The following PRKAG2 variants were observed in gnomAD, a reference collection of about 807,000 sequenced individuals.
PRKAG2 encodes 5'-AMP-activated protein kinase subunit gamma-2.
Under a neutral mutation model 69.6 loss-of-function variants are expected in PRKAG2, and 26 were observed. That is an observed-to-expected ratio of 0.37 (90% CI 0.27 to 0.52). The LOEUF is 0.52. Ranked by LOEUF, PRKAG2 falls within the 20% of genes least tolerant of loss-of-function variation. PRKAG2 has a pLI of 0.90. For synonymous variants in PRKAG2, 293 were observed against 285.0 expected (o/e 1.03, Z -0.28); for missense variants, 557 against 740.0 (o/e 0.75, Z 2.87).
chr7:151,570,307 T>C, intron 9 of PRKAG2, 82 bp from the exon 10 acceptor site: 1 of 1,456,648 alleles, frequency 6.9e-7, no homozygotes, highest in Non-Finnish European at 9.4e-7. Context: ...ACCCTTCAGT[T>C]TACGGTTAAT....
intron 4 of PRKAG2, among the ~76,000 whole-genome samples, chr7:151,665,984 C>T (rs1332266938): frequency 6.6e-6 from 1 of 152,160 alleles, no homozygotes; most frequent in African/African-American, 2.4e-5. Context: ...TGGAGACTGA[C>T]TGAATGGCAA....
chr7:151,676,427 A>T (rs1019538386), intron 3 of PRKAG2, among the ~76,000 whole-genome samples: 2 of 152,116 alleles, frequency 1.3e-5, no homozygotes, highest in Non-Finnish European at 2.9e-5. Context: ...AAAGTGAAAC[A>T]GATTTAGATG....
chr7:151,733,620 A>G (rs1034965451), intron 3 of PRKAG2, among the ~76,000 whole-genome samples: 2 of 152,070 alleles, frequency 1.3e-5, no homozygotes, highest in Admixed American at 6.6e-5. Context: ...ATCTTTTTAG[A>G]CCGTGTTAGT....
chr7:151,785,650 G>A (rs183559394), intron 2 of PRKAG2, among the ~76,000 whole-genome samples: 201 of 152,318 alleles, frequency 1.3e-3, no homozygotes, highest in Non-Finnish European at 2.1e-3. Flanking sequence ...GACCCTGTAC[G>A]TAGCCCCCAG....
intron 3 of PRKAG2, among the ~76,000 whole-genome samples, chr7:151,737,396 T>C (rs892940374): frequency 7.3e-5 from 11 of 151,090 alleles, no homozygotes; most frequent in Non-Finnish European, 1.5e-4. Flanking sequence ...GAACCTCTCA[T>C]GGTAACTGAT....
At chr7:151,670,378 C>T (rs929919202) in intron 4 of PRKAG2, among the ~76,000 whole-genome samples, 5 of 152,298 alleles carry the variant, frequency 3.3e-5, no homozygotes, top group South Asian at 4.1e-4. Context: ...CTTTTAAACA[C>T]GATTCCATTT....
chr7:151,832,604 G>GT (rs1554614865), intron 1 of PRKAG2, among the ~76,000 whole-genome samples: 4 of 151,316 alleles, frequency 2.6e-5, no homozygotes, highest in Non-Finnish European at 4.4e-5. Flanking sequence ...CTGGGGGGGG[G>GT]GTCCCAGCAC....
At chr7:151,864,929 A>G (rs2080023556) in intron 1 of PRKAG2, among the ~76,000 whole-genome samples, 1 of 152,230 alleles carries the variant, frequency 6.6e-6, no homozygotes, top group Admixed American at 6.5e-5. Flanking sequence ...TATGTATATT[A>G]CATATTACAC....
At chr7:151,830,747 C>A (rs2079005694) in intron 1 of PRKAG2, among the ~76,000 whole-genome samples, 2 of 122,650 alleles carry the variant, frequency 1.6e-5, no homozygotes, top group African/African-American at 6.4e-5. Flanking sequence ...TCCCTCTGGC[C>A]AAACTTCCCT....
intron 1 of PRKAG2, among the ~76,000 whole-genome samples, chr7:151,856,378 C>T (rs868211702): frequency 4.6e-5 from 7 of 152,242 alleles, no homozygotes; most frequent in African/African-American, 1.2e-4. Context: ...GCTGGAGTGG[C>T]CCCGAGGCGG....
chr7:151,781,183 C>G lies in PRKAG2; in HGVS notation c.435G>C (p.Gly145=), dbSNP rs1432408242. ...TGGAGCGGGAGAAAAACCTGATGCC[C>G]CCGGGCGAGGTAGCAGGGTTGGAGT... is the stretch of plus-strand genomic sequence containing the variant. ...SPNSNPATSP[G]GIRFFSRSRK... Residue 145 remains glycine, a synonymous_variant, in exon 3 of 16, where the codon GGG becomes GGC. Coordinates refer to ENST00000287878, the MANE Select transcript of PRKAG2 (RefSeq NM_016203.4). The surrounding 1 kb of genome is among the most constrained non-coding windows in gnomAD (Gnocchi z 6.1). 7 of 1,614,066 alleles carry G rather than the reference C, an allele frequency of 4.3e-6. No individual in the cohort carries two copies. Among genetic ancestry groups the G allele is most frequent in the Non-Finnish European group, 5.9e-6 (7 of 1,180,028 alleles).
intron 1 of PRKAG2, among the ~76,000 whole-genome samples, chr7:151,855,852 G>T (rs1012133076): frequency 6.6e-6 from 1 of 152,250 alleles, no homozygotes; most frequent in African/African-American, 2.4e-5. Flanking sequence ...TCGCTTAGGC[G>T]AAAGCTGAGC....
At chr7:151,591,022 G>A (rs1812985612) in intron 6 of PRKAG2, among the ~76,000 whole-genome samples, 1 of 152,182 alleles carries the variant, frequency 6.6e-6, no homozygotes. Flanking sequence ...CACAGGCTTC[G>A]GGAGACAGGG....
intron 4 of PRKAG2, among the ~76,000 whole-genome samples, chr7:151,648,506 G>A (rs1002328812): frequency 2.0e-5 from 3 of 152,078 alleles, no homozygotes; most frequent in South Asian, 2.1e-4. Context: ...AGGAGGGGCC[G>A]GTGTCTTCTC....
Position 151,872,783 on chromosome 7 carries a change from A to T in PRKAG2, c.114+3724T>A, listed in dbSNP as rs1333744781. Among the ~76,000 whole-genome samples the T allele has an allele frequency of 6.6e-5, 10 of 152,334 alleles. No individual in the cohort carries two copies. In the South Asian group the frequency reaches 2.1e-3, roughly 32 times the overall value. On this transcript the variant is annotated intron_variant, in intron 1 of 15. Transcript: ENST00000287878. ...GATTCCTTCAGGTGGGGAGGGAGAC[A>T]CGAGTAAGAGGCAGTCCACCAAGGC... is the stretch of plus-strand genomic sequence containing the variant.
At position 151,585,323 on chromosome 7, in the gene PRKAG2, T is replaced by C. The variant is rs112820848; in HGVS notation, c.865-8871A>G. On this transcript the variant is annotated intron_variant, in intron 6 of 15. Transcript: ENST00000287878. ...GGGAGGTTTTATGGACTCAGTGTGT[T>C]TGGTTCAACGGCTCAACAGGTTGTT... Among the ~76,000 whole-genome samples, 1,055 of 152,316 alleles carry C rather than the reference T, an allele frequency of 6.9e-3. 19 individuals carry two copies. The highest frequency in any genetic ancestry group is 0.024 in the African/African-American group (1,000 of 41,558).
At position 151,816,664 on chromosome 7, in the gene PRKAG2, C is replaced by T. The variant is rs911379049; in HGVS notation, c.115-30123G>A. 2.0e-5 allele frequency among the ~76,000 whole-genome samples: 3 copies of T among 152,330 alleles called. No homozygotes were observed. The East Asian group carries it at 5.8e-4, about 29-fold the overall frequency. ...AAAGCTGGCGCCATTTGGCGAAGAT[C>T]GAAGGGCCAAACCTCCTGCAGCCTG... is the stretch of plus-strand genomic sequence containing the variant. On this transcript the variant is annotated intron_variant, in intron 1 of 15. Coordinates refer to ENST00000287878, the MANE Select transcript of PRKAG2 (RefSeq NM_016203.4).
At chr7:151,753,246 A>G (rs1254954033) in intron 3 of PRKAG2, among the ~76,000 whole-genome samples, 1 of 152,246 alleles carries the variant, frequency 6.6e-6, no homozygotes, top group East Asian at 1.9e-4. Flanking sequence ...CCCTGAGACA[A>G]GGCACAAAAT....
At chr7:151,688,477 G>A (rs1207188018) in intron 3 of PRKAG2, among the ~76,000 whole-genome samples, 1 of 152,190 alleles carries the variant, frequency 6.6e-6, no homozygotes, top group East Asian at 1.9e-4. Context: ...GATGCGGTGT[G>A]GGGAGGGTCC....
Sources: gnomAD v4.1 joint callset for allele counts (sites outside exome capture counted in the v4.1 genomes callset) on GRCh38, gnomAD v4.1.1 for gene constraint, Gnocchi (gnomAD v3.1) non-coding constraint, MANE v1.5 for transcripts, NCBI Gene and HGNC (gene_info 2026-07-23, HGNC 2026-07-21) for gene names.